KAT6B: variants seen among roughly 807,000 people sequenced by gnomAD.
KAT6B encodes the protein lysine acetyltransferase 6B.
In KAT6B, 10 loss-of-function variants were observed where a neutral mutation model predicts 187.5. The ratio of observed to expected loss-of-function variants is 0.05; its 90% CI spans 0.03 to 0.09. The LOEUF is 0.09. Among genes scored for constraint, KAT6B ranks in the 10% least tolerant of loss-of-function variants. The pLI is 1.00. For synonymous variants in KAT6B, 861 were observed against 926.8 expected, an observed-to-expected ratio of 0.93 and a Z score of 1.29; for missense variants, 1,952 against 2,558.9, an observed-to-expected ratio of 0.76 and a Z score of 5.12.
intron 3 of KAT6B, among the ~76,000 whole-genome samples, chr10:74,935,303 G>C (rs1849177622): frequency 6.6e-6 from 1 of 152,052 alleles, no homozygotes; most frequent in Admixed American, 6.6e-5. Context: ...ACACACATCT[G>C]TGTACTCATA....
chr10:74,876,837 T>C (rs543562491), intron 3 of KAT6B, among the ~76,000 whole-genome samples: 1 of 151,890 alleles, frequency 6.6e-6, no homozygotes, highest in Non-Finnish European at 1.5e-5. Context: ...CGCTTGAACC[T>C]GGGAGACTGA....
At chr10:74,867,328 T>G (rs909457631) in intron 3 of KAT6B, among the ~76,000 whole-genome samples, 6 of 152,198 alleles carry the variant, frequency 3.9e-5, no homozygotes, top group African/African-American at 1.4e-4. Context: ...CTTTCCTTCT[T>G]TTTTTCTTGC....
intron 13 of KAT6B, among the ~76,000 whole-genome samples, chr10:75,001,532 G>C (rs1843836011): frequency 6.6e-6 from 1 of 152,114 alleles, no homozygotes; most frequent in East Asian, 1.9e-4. Flanking sequence ...GCAAGCTACT[G>C]GTTTAAATGT....
At position 75,020,712 on chromosome 10, in the gene KAT6B, G is replaced by T; in HGVS notation, c.2760G>T (p.Arg920Ser). The change falls in exon 14 of 18, where the codon AGG becomes AGT. Residue 920 changes from arginine (R) to serine (S), a missense_variant. Arg to Ser is a moderately radical substitution (Grantham distance 110). This residue lies in a region of KAT6B where 758 missense variants were observed against 891.4 expected (regional missense o/e 0.85). Coordinates refer to ENST00000287239, the MANE Select transcript of KAT6B (RefSeq NM_012330.4). ...ILEYLYHHHE[R>S]HISIKAISRA... ...AGTATCTCTACCACCACCATGAGAG[G>T]CACATCAGCATCAAGGCAATTAGCA... The T allele has an allele frequency of 6.2e-7, 1 of 1,613,458 alleles. No individual in the cohort carries two copies. The highest frequency in any genetic ancestry group is 1.1e-5 in the South Asian group (1 of 91,046).
chr10:74,825,299 G>A (rs1385137551), upstream of KAT6B, among the ~76,000 whole-genome samples: 1 of 151,910 alleles, frequency 6.6e-6, no homozygotes, highest in African/African-American at 2.4e-5. The surrounding 1 kb of genome is among the most constrained non-coding windows in gnomAD (Gnocchi z 5.0). Flanking sequence ...ATCCTCCCGC[G>A]GACACCAGCG....
At position 75,030,530 on chromosome 10, in the gene KAT6B, A is replaced by G. The variant is rs1846235865; in HGVS notation, c.5706A>G (p.Ala1902=). The change falls in exon 18 of 18, where the codon GCA becomes GCG. Residue 1902 remains alanine (A), a synonymous_variant. Coordinates refer to ENST00000287239, the MANE Select transcript of KAT6B (RefSeq NM_012330.4). This position sits in a 1 kb window ranked among gnomAD's most constrained non-coding sequence, Gnocchi z 4.8. ...CTCTTTTGCAACGGAACATGGCTGC[A>G]TCAAATATTGGCATCTCTCACAGCC... ...PPPLLQRNMA[A]SNIGISHSQR... is the part of the protein sequence containing the mutation. The G allele has an allele frequency of 3.1e-6, 5 of 1,608,482 alleles. No homozygotes were observed. Among genetic ancestry groups the G allele is most frequent in the South Asian group, 1.1e-5 (1 of 90,930 alleles).
chr10:74,983,221 A>C (rs1009066930), intron 11 of KAT6B: 5 of 152,276 alleles, frequency 3.3e-5, no homozygotes, highest in African/African-American at 7.2e-5. Flanking sequence ...GGGCTATGCT[A>C]TACAGCGTAG....
At chr10:74,878,447 C>T (rs554990134) in intron 3 of KAT6B, among the ~76,000 whole-genome samples, 65 of 152,032 alleles carry the variant, frequency 4.3e-4, no homozygotes, top group Non-Finnish European at 7.9e-4. Flanking sequence ...CAGTGAAACC[C>T]TGTCTCTACT....
chr10:74,996,553 G>A (rs1292549578), intron 13 of KAT6B, among the ~76,000 whole-genome samples: 7 of 151,810 alleles, frequency 4.6e-5, no homozygotes, highest in African/African-American at 1.7e-4. Flanking sequence ...GGCAGATCAC[G>A]AGGTCAGGAG....
upstream of KAT6B, among the ~76,000 whole-genome samples, chr10:74,825,868 T>TG (rs996945059): frequency 1.9e-3 from 50 of 25,800 alleles, no homozygotes; most frequent in South Asian, 3.6e-3. The surrounding 1 kb of genome is among the most constrained non-coding windows in gnomAD (Gnocchi z 5.0). Flanking sequence ...AGGGGTGTGT[T>TG]GGGGGGGGAA....
intron 1 of KAT6B, among the ~76,000 whole-genome samples, chr10:74,834,794 A>G (rs1841160093): frequency 6.6e-6 from 1 of 152,216 alleles, no homozygotes; most frequent in Non-Finnish European, 1.5e-5. Flanking sequence ...TGCTGGGATT[A>G]GAGGCATGAG....
At chr10:74,895,387 G>T in intron 3 of KAT6B, among the ~76,000 whole-genome samples, 1 of 134,372 alleles carries the variant, frequency 7.4e-6, no homozygotes, top group African/African-American at 3.3e-5. Context: ...TATTATTATG[G>T]TTAAAACATT....
In KAT6B at chr10:74,977,361, A is replaced by G; in HGVS notation, c.2039A>G (p.Asn680Ser). The change falls in exon 9 of 18, where the codon AAT becomes AGT. Residue 680 changes from asparagine (N) to serine (S), a missense_variant. By Grantham distance (46) the Asn-to-Ser change is conservative (BLOSUM62 1). This residue lies in a region of KAT6B where 417 missense variants were observed against 508.9 expected (regional missense o/e 0.82). Transcript: ENST00000287239. ...ATCAAACAAGAAAGTGCAGATGTAA[A>G]TGTGATTGGAAACAAGGATGTCGTT... ...INIKQESADV[N>S]VIGNKDVVTE... 2 of 1,613,856 alleles carry G rather than the reference A, an allele frequency of 1.2e-6. No homozygotes were observed. The highest frequency in any genetic ancestry group is 1.7e-6 in the Non-Finnish European group (2 of 1,179,780).
intron 13 of KAT6B, among the ~76,000 whole-genome samples, chr10:75,003,582 T>C (rs972915392): frequency 2.6e-4 from 40 of 152,290 alleles, no homozygotes; most frequent in Middle Eastern, 3.4e-3. Context: ...ACCTATGTAA[T>C]CAAGTATAAT....
At chr10:74,890,629 A>G (rs987570696) in intron 3 of KAT6B, among the ~76,000 whole-genome samples, 1 of 152,232 alleles carries the variant, frequency 6.6e-6, no homozygotes, top group African/African-American at 2.4e-5. Flanking sequence ...CGTCTATTAA[A>G]GGGAAGCAGT....
At chr10:74,908,549 C>CAAAAAA (rs10715826) in intron 3 of KAT6B, among the ~76,000 whole-genome samples, 1 of 109,448 alleles carries the variant, frequency 9.1e-6, no homozygotes, top group Non-Finnish European at 1.9e-5. Context: ...GACCCCGTCT[C>CAAAAAA]AAAAAAAAAA....
chr10:74,956,087 C>T (rs1014662283), intron 3 of KAT6B, among the ~76,000 whole-genome samples: 9 of 152,242 alleles, frequency 5.9e-5, no homozygotes, highest in East Asian at 1.9e-4. Flanking sequence ...CCATGCCTGC[C>T]TAATTTTTTT....
intron 3 of KAT6B, among the ~76,000 whole-genome samples, chr10:74,847,862 TAG>T (rs1449142051): frequency 6.6e-6 from 1 of 151,824 alleles, no homozygotes; most frequent in Non-Finnish European, 1.5e-5. Context: ...TCCTCTGAAA[TAG>T]AGTGTGAAGT....
chr10:74,888,785 A>G (rs1275429392), intron 3 of KAT6B, among the ~76,000 whole-genome samples: 1 of 152,248 alleles, frequency 6.6e-6, no homozygotes, highest in Admixed American at 6.5e-5. Flanking sequence ...GATTAAATGT[A>G]CAGTGGTACA....
Sources: allele counts gnomAD v4.1 joint callset (sites outside exome capture counted in the v4.1 genomes callset), GRCh38; gene constraint gnomAD v4.1.1; regional missense constraint gnomAD v4.1.1; non-coding constraint Gnocchi (gnomAD v3.1); transcripts MANE v1.5; gene names NCBI Gene and HGNC (gene_info 2026-07-23, HGNC 2026-07-21).